Variants in FGFR2 observed in about 807,000 individuals in gnomAD.
The protein encoded by FGFR2 is fibroblast growth factor receptor 2, also known as BEK fibroblast growth factor receptor.
Under a neutral mutation model 95.9 loss-of-function variants are expected in FGFR2, and 19 were observed. The observed-to-expected ratio is 0.20, with a 90% CI of 0.14 to 0.29. The LOEUF (loss-of-function observed/expected upper bound fraction) is 0.29. Ranked by LOEUF, FGFR2 falls within the 10% of genes least tolerant of loss-of-function variation. FGFR2 has a pLI of 1.00. For synonymous variants in FGFR2, 392 were observed against 393.3 expected (o/e 1.00, Z 0.04); for missense variants, 707 against 1,056.9 (o/e 0.67, Z 4.59).
intron 9 of FGFR2, among the ~76,000 whole-genome samples, chr10:121,513,170 G>A (rs190006577): frequency 1.2e-3 from 182 of 152,306 alleles, no homozygotes; most frequent in Non-Finnish European, 2.2e-3. Flanking sequence ...CACCACGCCC[G>A]GCCAGGCTGA....
intron 2 of FGFR2, among the ~76,000 whole-genome samples, chr10:121,582,275 C>A (rs191109312): frequency 4.6e-5 from 7 of 152,296 alleles, no homozygotes; most frequent in African/African-American, 1.2e-4. Flanking sequence ...CTGTCTCCCC[C>A]ACTCAACTGT....
intron 9 of FGFR2, among the ~76,000 whole-genome samples, chr10:121,509,500 T>C (rs1224235685): frequency 1.0e-4 from 12 of 117,832 alleles, no homozygotes; most frequent in African/African-American, 4.1e-4. Flanking sequence ...TTTTTTTTTT[T>C]TTTTTTTTTG....
intron 15 of FGFR2, among the ~76,000 whole-genome samples, chr10:121,486,124 A>G (rs1845373879): frequency 6.6e-6 from 1 of 152,208 alleles, no homozygotes; most frequent in South Asian, 2.1e-4. Flanking sequence ...TTGACTCTTC[A>G]GAGATTTGGA....
chr10:121,524,099 TATACACAC>T (rs1279007538), intron 6 of FGFR2, among the ~76,000 whole-genome samples: 4,655 of 137,248 alleles, frequency 0.034, 129 homozygotes, highest in African/African-American at 0.064. Context: ...CCCGGCTATG[TATACACAC>T]ACACACACAC....
At chr10:121,530,300 A>C (rs1851918342) in intron 6 of FGFR2, 1 of 152,388 alleles carries the variant, frequency 6.6e-6, no homozygotes, top group Non-Finnish European at 1.5e-5. Context: ...AAGGGGAAGA[A>C]CACACAGCAT....
intron 4 of FGFR2, among the ~76,000 whole-genome samples, chr10:121,563,385 T>C (rs1428359320): frequency 6.6e-6 from 1 of 152,032 alleles, no homozygotes; most frequent in Non-Finnish European, 1.5e-5. Context: ...GGAAAAAATA[T>C]ATATATATAC....
chr10:121,586,970 G>A (rs1861922937), intron 2 of FGFR2, among the ~76,000 whole-genome samples: 1 of 152,116 alleles, frequency 6.6e-6, no homozygotes, highest in Non-Finnish European at 1.5e-5. Context: ...AAAGCTGGGG[G>A]CATCACATTA....
intron 5 of FGFR2, among the ~76,000 whole-genome samples, chr10:121,550,498 T>C (rs1855224808): frequency 6.6e-6 from 1 of 152,192 alleles, no homozygotes; most frequent in Non-Finnish European, 1.5e-5. Context: ...TAAAATTTCA[T>C]GGCATTGTGT....
chr10:121,560,381 G>A (rs770000459), intron 4 of FGFR2, among the ~76,000 whole-genome samples: 3 of 151,980 alleles, frequency 2.0e-5, no homozygotes, highest in Non-Finnish European at 4.4e-5. Flanking sequence ...TTGGGAGGCC[G>A]AGGCGAGCAG....
At position 121,503,825 on chromosome 10, in the gene FGFR2, A is replaced by G; in HGVS notation, c.1404T>C (p.Leu468=). Residue 468 remains leucine (L), a synonymous_variant, in exon 10 of 18, where the codon CTT becomes CTC. Coordinates refer to ENST00000358487, the MANE Select transcript of FGFR2 (RefSeq NM_000141.5). ...PMLAGVSEYE[L]PEDPKWEFPR... ...GAAACTCCCATTTTGGGTCCTCTGG[A>G]AGTTCATACTCGGAGACCCCTGCCA... 1 of 1,614,134 alleles carries G rather than the reference A, an allele frequency of 6.2e-7. No individual in the cohort carries two copies. The highest frequency in any genetic ancestry group is 1.3e-5 in the African/African-American group (1 of 75,040).
chr10:121,587,443 A>G (rs966544905), intron 2 of FGFR2, among the ~76,000 whole-genome samples: 1 of 152,252 alleles, frequency 6.6e-6, no homozygotes, highest in East Asian at 1.9e-4. Context: ...CTGCACAGCA[A>G]AAGAAACTAT....
chr10:121,524,745 G>A lies in FGFR2; in HGVS notation c.749-4576C>T, dbSNP rs1204312185. Among the ~76,000 whole-genome samples the A allele has an allele frequency of 3.9e-5, 6 of 152,190 alleles. No individual in the cohort carries two copies. In the South Asian group the frequency reaches 1.2e-3, roughly 32 times the overall value. On this transcript the variant is annotated intron_variant, in intron 6 of 17. Coordinates refer to ENST00000358487, the MANE Select transcript of FGFR2 (RefSeq NM_000141.5). The stretch of plus-strand genomic sequence containing the variant: ...AGGATGCAGGCTGGGCAGAGTGGGG[G>A]CCCCCTTCGTGGCCTGGCCCAGCGG...
chr10:121,511,411 T>G (rs1471206490), intron 9 of FGFR2, among the ~76,000 whole-genome samples: 3 of 152,240 alleles, frequency 2.0e-5, no homozygotes, highest in Non-Finnish European at 4.4e-5. Context: ...ATCCTCAGTT[T>G]CCTCTGCACT....
intron 13 of FGFR2, among the ~76,000 whole-genome samples, chr10:121,489,095 G>A (rs965795165): frequency 6.6e-6 from 1 of 151,662 alleles, no homozygotes; most frequent in Non-Finnish European, 1.5e-5. Context: ...GTTTTAACAT[G>A]GAGTCTTGTC....
At chr10:121,595,962 T>C (rs906613788) in intron 1 of FGFR2, among the ~76,000 whole-genome samples, 2 of 152,238 alleles carry the variant, frequency 1.3e-5, no homozygotes, top group Non-Finnish European at 1.5e-5. Context: ...GCGACAGGTC[T>C]GCACAGTTCC....
chr10:121,502,895 G>T (rs1847782803), intron 10 of FGFR2, among the ~76,000 whole-genome samples: 1 of 152,124 alleles, frequency 6.6e-6, no homozygotes, highest in Non-Finnish European at 1.5e-5. Flanking sequence ...GAGGACGAGG[G>T]CTAGGAGCTC....
In FGFR2 at chr10:121,517,381, G is replaced by A. The variant is rs2134256704; in HGVS notation, c.1022C>T (p.Thr341Met). The A allele has an allele frequency of 6.2e-7, 1 of 1,614,102 alleles. No homozygotes were observed. ...NVTFEDAGEYTCLAGNSIGIS... is the reference protein window; with the variant it reads ...NVTFEDAGEYMCLAGNSIGIS... ...CCCAATAGAATTACCCGCCAAGCAC[G>A]TATATTCCCCAGCGTCCTCAAAAGT... Residue 341 changes from threonine to methionine, a missense_variant, in exon 8 of 18, where the codon ACG becomes ATG. By Grantham distance (81) the Thr-to-Met change is moderately conservative (BLOSUM62 -1). Around this residue, in one of 7 missense-constraint regions of FGFR2, gnomAD observed 139 missense variants for 278.1 expected, o/e 0.50. Transcript: ENST00000358487. This position sits in a 1 kb window ranked among gnomAD's most constrained non-coding sequence, Gnocchi z 4.7.
intron 4 of FGFR2, among the ~76,000 whole-genome samples, chr10:121,561,226 A>G (rs1291470426): frequency 6.6e-6 from 1 of 152,078 alleles, no homozygotes; most frequent in African/African-American, 2.4e-5. Context: ...GGAGTTCCAG[A>G]CCAGCCTGAC....
rs764102895 is a variant in FGFR2, at chr10:121,487,360, C to G, written c.2051G>C (p.Ser684Thr). 8 of 1,613,144 alleles carry G rather than the reference C, an allele frequency of 5.0e-6. No individual in the cohort carries two copies. The highest frequency in any genetic ancestry group is 1.7e-4 in the Middle Eastern group (1 of 6,060). ...ALFDRVYTHQ[S>T]DVWSFGVLMW... Reference sequence around the variant, plus strand: ...AGAAAAGAGAGTTACTCACACATCACTCTGATGAGTGTATACTCTATCAAA... The same window carrying G: ...AGAAAAGAGAGTTACTCACACATCAGTCTGATGAGTGTATACTCTATCAAA... Residue 684 changes from serine to threonine, a missense_variant, in exon 15 of 18, where the codon AGT (serine) becomes ACT (threonine). Ser to Thr is a moderately conservative substitution (Grantham distance 58). Transcript: ENST00000358487.
Sources: gnomAD v4.1 joint callset for allele counts (sites outside exome capture counted in the v4.1 genomes callset) on GRCh38, gnomAD v4.1.1 for gene constraint, gnomAD v4.1.1 regional missense constraint, Gnocchi (gnomAD v3.1) non-coding constraint, MANE v1.5 for transcripts, NCBI Gene and HGNC (gene_info 2026-07-23, HGNC 2026-07-21) for gene names.